SHROOM2: variants seen among roughly 807,000 people sequenced by gnomAD.
SHROOM2 encodes the protein shroom family member 2, also known as protein Shroom2.
Under a neutral mutation model 75.9 loss-of-function variants are expected in SHROOM2, and 33 were observed. The ratio of observed to expected loss-of-function variants is 0.43; its 90% CI spans 0.33 to 0.58. The LOEUF is 0.58. SHROOM2 is among the 20% of genes least tolerant of loss of function. The pLI, the probability that SHROOM2 is intolerant of heterozygous loss-of-function variation, is 0.04. For synonymous variants in SHROOM2, 655 were observed against 663.6 expected (o/e 0.99, Z 0.20); for missense variants, 1,434 against 1,461.2 (o/e 0.98, Z 0.30).
Position 9,895,305 on chromosome X carries a change from G to A in SHROOM2, c.1397G>A (p.Cys466Tyr). 8.5e-7 allele frequency: 1 copy of A among 1,175,595 alleles called. No homozygotes were observed. The highest frequency in any genetic ancestry group is 1.8e-5 in the African/African-American group (1 of 56,784). The change falls in exon 4 of 10, where the codon TGT (cysteine) becomes TAT (tyrosine). Residue 466 changes from cysteine to tyrosine, a missense_variant. Around this residue, in one of 3 missense-constraint regions of SHROOM2, gnomAD observed 1,340 missense variants for 1,338.3 expected, o/e 1.00. Coordinates refer to ENST00000380913, the MANE Select transcript of SHROOM2 (RefSeq NM_001649.4). ...SPPQVRGLSS[C>Y]DQKLGSGWQG... is the part of the protein sequence containing the mutation. ...CCTCAGGTGAGGGGGCTCAGCAGCT[G>A]TGACCAGAAGCTGGGGAGCGGCTGG...
intron 1 of SHROOM2, among the ~76,000 whole-genome samples, chrX:9,832,237 G>T (rs761755342): frequency 1.1e-3 from 119 of 112,105 alleles, no homozygotes; most frequent in African/African-American, 3.7e-3. Context: ...AGCTCCTTAG[G>T]CCTGCACAGT....
chrX:9,876,019 G>A (rs980825453), intron 2 of SHROOM2, among the ~76,000 whole-genome samples: 10 of 112,151 alleles, frequency 8.9e-5, no homozygotes, highest in African/African-American at 9.7e-5. Context: ...CACTGAGTAG[G>A]TACTTAAAAG....
intron 6 of SHROOM2, among the ~76,000 whole-genome samples, chrX:9,935,005 TC>T (rs1959724211): frequency 9.0e-6 from 1 of 111,271 alleles, no homozygotes; most frequent in African/African-American, 3.3e-5. Flanking sequence ...ACTCCTGACC[TC>T]AGGTGATCTG....
intron 8 of SHROOM2, among the ~76,000 whole-genome samples, chrX:9,941,993 AAAAT>A (rs1429950297): frequency 6.3e-5 from 6 of 94,917 alleles, no homozygotes; most frequent in Admixed American, 1.1e-4. Flanking sequence ...AAAAAAAAAA[AAAAT>A]TCCTGAGCAG....
At chrX:9,814,685 G>A (rs1257056790) in intron 1 of SHROOM2, among the ~76,000 whole-genome samples, 1 of 111,665 alleles carries the variant, frequency 9.0e-6, no homozygotes. Context: ...GGTCAGGGAA[G>A]GGATGTTGCC....
At chrX:9,884,677 TAA>T (rs34693829) in intron 2 of SHROOM2, among the ~76,000 whole-genome samples, 12,205 of 86,419 alleles carry the variant, frequency 0.14, 717 homozygotes, top group Middle Eastern at 0.21. Context: ...CCCTGTCCTT[TAA>T]AAAAAAAAAA....
At chrX:9,885,546 GA>G (rs925152516) in intron 2 of SHROOM2, among the ~76,000 whole-genome samples, 1 of 111,260 alleles carries the variant, frequency 9.0e-6, no homozygotes, top group Non-Finnish European at 1.9e-5. Context: ...GAAGACTTGA[GA>G]AAAAAAGCAT....
chrX:9,921,135 A>G (rs1029024632), intron 5 of SHROOM2, among the ~76,000 whole-genome samples: 2 of 110,893 alleles, frequency 1.8e-5, no homozygotes, highest in Non-Finnish European at 3.8e-5. Flanking sequence ...TCCTCCCCAC[A>G]TGGATCTCCG....
intron 1 of SHROOM2, among the ~76,000 whole-genome samples, chrX:9,792,457 GT>G (rs397820377): frequency 2.5e-3 from 257 of 101,443 alleles, no homozygotes; most frequent in Admixed American, 4.0e-3. Flanking sequence ...TTTTTGTGTT[GT>G]TTTTTTTTTT....
intron 1 of SHROOM2, among the ~76,000 whole-genome samples, chrX:9,834,766 C>A (rs774341625): frequency 7.1e-5 from 8 of 111,941 alleles, no homozygotes; most frequent in Non-Finnish European, 1.3e-4. Flanking sequence ...CCTTGATCTC[C>A]CAGGGTCAAG....
chrX:9,860,223 G>A (rs759929961), intron 1 of SHROOM2, among the ~76,000 whole-genome samples: 5 of 111,787 alleles, frequency 4.5e-5, no homozygotes, highest in East Asian at 5.6e-4. Context: ...AGAATGATCC[G>A]GCCCCAAATG....
At chrX:9,789,830 C>A (rs1167783730) in intron 1 of SHROOM2, among the ~76,000 whole-genome samples, 1 of 112,000 alleles carries the variant, frequency 8.9e-6, no homozygotes, top group Non-Finnish European at 1.9e-5. Flanking sequence ...AGCCTTAGCC[C>A]GAAGCTCCAA....
intron 1 of SHROOM2, among the ~76,000 whole-genome samples, chrX:9,795,129 AAGAG>A (rs1295632137): frequency 1.6e-5 from 1 of 62,839 alleles, no homozygotes; most frequent in Admixed American, 1.6e-4. Context: ...TTTTTTTTTG[AAGAG>A]ACAGGGTCTT....
chrX:9,917,070 G>GT (rs2084496822), intron 5 of SHROOM2, among the ~76,000 whole-genome samples: 1 of 111,590 alleles, frequency 9.0e-6, no homozygotes, highest in South Asian at 3.8e-4. Flanking sequence ...TCCCTAGGAG[G>GT]TGTAGACATC....
intron 1 of SHROOM2, among the ~76,000 whole-genome samples, chrX:9,822,630 G>T (rs2083858888): frequency 8.9e-6 from 1 of 112,719 alleles, no homozygotes; most frequent in Admixed American, 9.3e-5. Context: ...CCTGGGGGAG[G>T]CGAGGGCTGA....
chrX:9,943,355 T>C (rs1250683369), intron 8 of SHROOM2, among the ~76,000 whole-genome samples: 1 of 111,802 alleles, frequency 8.9e-6, no homozygotes, highest in Non-Finnish European at 1.9e-5. Flanking sequence ...TCCTGCCTAA[T>C]GCTCATCCGG....
chrX:9,819,458 G>A (rs1340960535), intron 1 of SHROOM2: 9 of 310,720 alleles, frequency 2.9e-5, no homozygotes, highest in Admixed American at 1.3e-4. Flanking sequence ...TGGGGTTGAC[G>A]TTGACAGACA....
Position 9,948,010 on chromosome X carries a change from C to T in SHROOM2, c.*1073C>T, listed in dbSNP as rs1238031510. On this transcript the variant is annotated 3_prime_UTR_variant, in exon 10 of 10. Coordinates refer to ENST00000380913, the MANE Select transcript of SHROOM2 (RefSeq NM_001649.4). ...TGAAATGGCAGGATTCTAAAGAGAG[C>T]CTGGTTTGTTAAAAGAAAACACTGT... is the stretch of plus-strand genomic sequence containing the variant. The T allele has an allele frequency of 1.8e-5, 2 of 112,140 alleles. No individual in the cohort carries two copies. Among genetic ancestry groups the T allele is most frequent in the Non-Finnish European group, 3.8e-5 (2 of 53,258 alleles). 9.2% of individuals were successfully genotyped at this position (112,140 alleles called of 1,213,427 possible). A position where few individuals can be genotyped will look rare whatever the true frequency, so the allele number is the denominator to read the frequency against.
At chrX:9,880,734 G>GTTGT (rs751421904) in intron 2 of SHROOM2, among the ~76,000 whole-genome samples, 1 of 111,419 alleles carries the variant, frequency 9.0e-6, no homozygotes, top group Admixed American at 9.5e-5. Flanking sequence ...TTTTGTTGTT[G>GTTGT]TTGTTTGTTT....
Sources: allele counts gnomAD v4.1 joint callset (sites outside exome capture counted in the v4.1 genomes callset), GRCh38; gene constraint gnomAD v4.1.1; regional missense constraint gnomAD v4.1.1; transcripts MANE v1.5; gene names NCBI Gene and HGNC (gene_info 2026-07-23, HGNC 2026-07-21).